ASGR2: variants seen among roughly 807,000 people sequenced by gnomAD.
ASGR2 encodes asialoglycoprotein receptor 2.
In ASGR2, 34 loss-of-function variants were observed where a neutral mutation model predicts 32.3. The observed-to-expected ratio is 1.05, with a 90% CI of 0.80 to 1.40. The LOEUF (loss-of-function observed/expected upper bound fraction) is 1.40. ASGR2 is among the 40% of genes most tolerant of loss of function. ASGR2 has a pLI of 0.00. For synonymous variants in ASGR2, 143 were observed against 150.0 expected, an observed-to-expected ratio of 0.95 and a Z score of 0.34; for missense variants, 385 against 386.4, an observed-to-expected ratio of 1.00 and a Z score of 0.03.
chr17:7,104,021 A>G (rs1444966605), intron 7 of ASGR2, among the ~76,000 whole-genome samples: 1 of 151,634 alleles, frequency 6.6e-6, no homozygotes, highest in African/African-American at 2.4e-5. Context: ...AGAGAACATG[A>G]TAAGGAAAGG....
At position 7,108,151 on chromosome 17, in the gene ASGR2, C is replaced by T. The variant is rs1054606343; in HGVS notation, c.338-244G>A. Reference sequence around the variant, plus strand: ...TGTCAGCACGGCTCACCTGCGTGGCCGGGCCCCTCCCCACCTCTCTCTGGC... The same window carrying T: ...TGTCAGCACGGCTCACCTGCGTGGCTGGGCCCCTCCCCACCTCTCTCTGGC... On this transcript the variant is annotated intron_variant, in intron 4 of 8. Transcript: ENST00000691900. This position sits in a 1 kb window ranked among gnomAD's most constrained non-coding sequence, Gnocchi z 4.9. 2.0e-5 allele frequency among the ~76,000 whole-genome samples: 3 copies of T among 152,134 alleles called. No homozygotes were observed. Among genetic ancestry groups the T allele is most frequent in the Admixed American group, 6.5e-5 (1 of 15,280 alleles).
At chr17:7,114,942 CT>C, upstream of ASGR2, 4 of 948,972 alleles carry the variant, frequency 4.2e-6, no homozygotes, top group Non-Finnish European at 5.0e-6. The surrounding 1 kb of genome is among the most constrained non-coding windows in gnomAD (Gnocchi z 4.5). Flanking sequence ...CCACACGCCA[CT>C]CACCCCACTC....
intron 7 of ASGR2, among the ~76,000 whole-genome samples, chr17:7,105,269 G>A (rs1277371328): frequency 6.7e-6 from 1 of 150,256 alleles, no homozygotes; most frequent in Non-Finnish European, 1.5e-5. Context: ...AGCATGTAAA[G>A]CAGAAAAAAG....
chr17:7,104,348 T>TTAA (rs1555580879), intron 7 of ASGR2, among the ~76,000 whole-genome samples: 3 of 79,822 alleles, frequency 3.8e-5, no homozygotes, highest in African/African-American at 1.7e-4. Context: ...AACTCTGTCT[T>TTAA]AAAAAAAAAA....
intron 2 of ASGR2, among the ~76,000 whole-genome samples, chr17:7,109,996 T>C (rs1043162517): frequency 6.6e-6 from 1 of 152,132 alleles, no homozygotes; most frequent in Non-Finnish European, 1.5e-5. Context: ...TTCTAGGCCT[T>C]GGACCCTGAC....
chr17:7,107,765 ACG>A lies in ASGR2; in HGVS notation c.409+69_409+70del. The A allele has an allele frequency of 6.5e-5, 8 of 122,352 alleles. No individual in the cohort carries two copies. The highest frequency in any genetic ancestry group is 1.2e-4 in the Non-Finnish European group (7 of 60,374). The allele number at this position is 122,352 out of a possible 1,614,324, so 7.6% of individuals were successfully genotyped here. A position where few individuals can be genotyped will look rare whatever the true frequency, so the allele number is the denominator to read the frequency against. The stretch of plus-strand genomic sequence containing the variant: ...CACGTGCACACTACACACACCGCAC[ACG>A]TACACACTACACACACCGCACACGT... On this transcript the variant is annotated intron_variant, in intron 5 of 8. Coordinates refer to ENST00000691900, the MANE Select transcript of ASGR2 (RefSeq NM_001201352.2). The surrounding 1 kb of genome is among the most constrained non-coding windows in gnomAD (Gnocchi z 5.0).
intron 7 of ASGR2, among the ~76,000 whole-genome samples, 195 bp downstream of exon 7, chr17:7,106,805 G>A (rs1000889821): frequency 4.0e-5 from 6 of 151,804 alleles, no homozygotes; most frequent in African/African-American, 1.2e-4. Context: ...TTGGGAGGCC[G>A]AGGCAGGAGA....
intron 7 of ASGR2, among the ~76,000 whole-genome samples, chr17:7,106,731 G>C (rs189334837): frequency 3.5e-3 from 535 of 151,724 alleles, no homozygotes; most frequent in Non-Finnish European, 5.5e-3. Context: ...GTGAAACCCC[G>C]TCTCTACTAA....
chr17:7,101,938 A>G (rs1912881722), intron 8 of ASGR2, 152 bp downstream of exon 8: 3 of 1,056,772 alleles, frequency 2.8e-6, no homozygotes, highest in Non-Finnish European at 4.2e-6. Context: ...CCCCCAGCCC[A>G]GAAGAGCACA....
rs532297681 is a variant in ASGR2, at chr17:7,114,252, G to GGCTGGAGCTGGA, written c.-24_-13dup. ...AAGTCCTTGGCCATGATGGGGCCCGGGCTGGAGCTGGAGCTGGAGCTGGGC... is the reference window on the plus strand; with the variant it reads ...AAGTCCTTGGCCATGATGGGGCCCGGGCTGGAGCTGGAGCTGGAGCTGGAGCTGGAGCTGGGC... On this transcript the variant is annotated 5_prime_UTR_variant, in exon 2 of 9. Coordinates refer to ENST00000691900, the MANE Select transcript of ASGR2 (RefSeq NM_001201352.2). The surrounding 1 kb of genome is among the most constrained non-coding windows in gnomAD (Gnocchi z 4.5). The GGCTGGAGCTGGA allele has an allele frequency of 1.7e-5, 28 of 1,613,406 alleles. No homozygotes were observed. Among genetic ancestry groups the GGCTGGAGCTGGA allele is most frequent in the South Asian group, 4.4e-5 (4 of 91,044 alleles).
intron 2 of ASGR2, among the ~76,000 whole-genome samples, chr17:7,110,793 C>A (rs887093979): frequency 6.6e-6 from 1 of 152,318 alleles, no homozygotes. Flanking sequence ...TAGAACATGG[C>A]AGCTTTCAAG....
rs1006799476 is a variant in ASGR2, at chr17:7,113,406, C to T, written c.124+711G>A. 6.6e-5 allele frequency among the ~76,000 whole-genome samples: 10 copies of T among 150,416 alleles called. No individual in the cohort carries two copies. Among genetic ancestry groups the T allele is most frequent in the African/African-American group, 2.2e-4 (9 of 40,858 alleles). ...AACATACACACACAACACACACACTCGCACAACATACACACACGCACAACA... is the reference window on the plus strand; with the variant it reads ...AACATACACACACAACACACACACTTGCACAACATACACACACGCACAACA... On this transcript the variant is annotated intron_variant, in intron 2 of 8. Transcript: ENST00000691900. The surrounding 1 kb of genome is among the most constrained non-coding windows in gnomAD (Gnocchi z 5.1).
At chr17:7,111,448 A>G (rs956365653) in intron 2 of ASGR2, among the ~76,000 whole-genome samples, 2 of 152,122 alleles carry the variant, frequency 1.3e-5, no homozygotes, top group South Asian at 4.1e-4. Context: ...TGAGGTCAGG[A>G]GATCGACACC....
intron 7 of ASGR2, among the ~76,000 whole-genome samples, chr17:7,105,161 A>G (rs1176912752): frequency 6.6e-6 from 1 of 152,104 alleles, no homozygotes; most frequent in Admixed American, 6.6e-5. Context: ...ACAAGTAATC[A>G]CTGGAATAAC....
In ASGR2 at chr17:7,108,267, C is replaced by T. The variant is rs7207467; in HGVS notation, c.337+195G>A. 0.013 allele frequency among the ~76,000 whole-genome samples: 1,978 copies of T among 152,166 alleles called. 47 individuals carry two copies. The highest frequency in any genetic ancestry group is 0.045 in the African/African-American group (1,877 of 41,488). On this transcript the variant is annotated intron_variant, in intron 4 of 8. Transcript: ENST00000691900. This position sits in a 1 kb window ranked among gnomAD's most constrained non-coding sequence, Gnocchi z 4.9. Reference sequence around the variant, plus strand: ...TGGTGCCTTCCTCACCTCCGGGTGTCGCAGATCCAACCTCTCCACCTGGCA... The same window carrying T: ...TGGTGCCTTCCTCACCTCCGGGTGTTGCAGATCCAACCTCTCCACCTGGCA...
In ASGR2 at chr17:7,107,753, C is replaced by T. The variant is rs760866358; in HGVS notation, c.409+83G>A. ...CGCACGCACGCACACGTGCACACTA[C>T]ACACACCGCACACGTACACACTACA... is the stretch of plus-strand genomic sequence containing the variant. On this transcript the variant is annotated intron_variant, in intron 5 of 8. Transcript: ENST00000691900. The surrounding 1 kb of genome is among the most constrained non-coding windows in gnomAD (Gnocchi z 5.0). 1.5e-5 allele frequency: 8 copies of T among 523,292 alleles called. No homozygotes were observed. The highest frequency in any genetic ancestry group is 2.4e-5 in the Non-Finnish European group (8 of 338,690). 32.4% of individuals were successfully genotyped at this position (523,292 alleles called of 1,614,324 possible). A position where few individuals can be genotyped will look rare whatever the true frequency, so the allele number is the denominator to read the frequency against.
At chr17:7,109,603 G>A (rs1434173254) in intron 2 of ASGR2, among the ~76,000 whole-genome samples, 2 of 151,854 alleles carry the variant, frequency 1.3e-5, no homozygotes, top group South Asian at 2.1e-4. Flanking sequence ...CTCAGCCCGA[G>A]GTCATCTCAC....
intron 2 of ASGR2, among the ~76,000 whole-genome samples, chr17:7,111,900 A>T (rs150563285): frequency 0.011 from 1,648 of 146,974 alleles, 33 homozygotes; most frequent in African/African-American, 0.038. Flanking sequence ...TTAATTAGCC[A>T]GGTGTGGTGC....
rs377212878 is a variant in ASGR2 at position 7,107,188 on chromosome 17, G to A, written c.497-37C>T. On this transcript the variant is annotated intron_variant, in intron 6 of 8. Transcript: ENST00000691900. The surrounding 1 kb of genome is among the most constrained non-coding windows in gnomAD (Gnocchi z 5.0). ...GGGGGCAGGGAGATGAGATCCAGCCGGAGGGGCAGGCACACTGGGCCTGGA... is the reference window on the plus strand; with the variant it reads ...GGGGGCAGGGAGATGAGATCCAGCCAGAGGGGCAGGCACACTGGGCCTGGA... 111 of 1,614,172 alleles carry A rather than the reference G, an allele frequency of 6.9e-5. No individual in the cohort carries two copies. The African/African-American group carries it at 8.5e-4, about 12-fold the overall frequency.
Sources: allele counts gnomAD v4.1 joint callset (sites outside exome capture counted in the v4.1 genomes callset), GRCh38; gene constraint gnomAD v4.1.1; non-coding constraint Gnocchi (gnomAD v3.1); transcripts MANE v1.5; gene names NCBI Gene and HGNC (gene_info 2026-07-23, HGNC 2026-07-21).